Variants in DACH2 observed in about 807,000 individuals in gnomAD.
DACH2 encodes the protein dachshund homolog 2.
DACH2 carries 17 observed loss-of-function variants against 35.8 expected under a neutral mutation model. The ratio of observed to expected loss-of-function variants is 0.48; its 90% confidence interval spans 0.33 to 0.71. The LOEUF is 0.71. Among genes scored for constraint, DACH2 ranks in the 30% least tolerant of loss-of-function variants. The pLI, the probability that DACH2 is intolerant of heterozygous loss-of-function variation, is 0.02. For missense variants in DACH2, 469 were observed against 472.7 expected (o/e 0.99, Z 0.07); for synonymous variants, 195 against 177.3 (o/e 1.10, Z -0.79).
intron 1 of DACH2, among the ~76,000 whole-genome samples, chrX:86,171,668 C>T (rs1460144741): frequency 1.8e-5 from 2 of 111,366 alleles, no homozygotes; most frequent in African/African-American, 6.5e-5. Flanking sequence ...CTGTGTTCTC[C>T]CTCTCCCAGC....
chrX:86,286,203 C>T (rs2034145593), intron 1 of DACH2, among the ~76,000 whole-genome samples: 1 of 89,561 alleles, frequency 1.1e-5, no homozygotes, highest in African/African-American at 4.1e-5. Flanking sequence ...TCTCGGCTCA[C>T]TGCAAGCTCC....
At chrX:86,483,280 G>A (rs1200317143) in intron 2 of DACH2, among the ~76,000 whole-genome samples, 2 of 110,937 alleles carry the variant, frequency 1.8e-5, no homozygotes, top group East Asian at 2.8e-4. Context: ...TATACCTGAT[G>A]TTAATAAATA....
At chrX:86,299,669 A>G (rs1157092624) in intron 1 of DACH2, among the ~76,000 whole-genome samples, 1 of 111,727 alleles carries the variant, frequency 9.0e-6, no homozygotes, top group Non-Finnish European at 1.9e-5. Flanking sequence ...TCTCAGGTTT[A>G]TTTCATAACT....
At chrX:86,512,606 C>T (rs1239709559) in intron 2 of DACH2, among the ~76,000 whole-genome samples, 1 of 111,846 alleles carries the variant, frequency 8.9e-6, no homozygotes, top group Non-Finnish European at 1.9e-5. Flanking sequence ...CGGACAAATA[C>T]AAAGACTAAT....
intron 2 of DACH2, among the ~76,000 whole-genome samples, chrX:86,446,860 G>A (rs2037292347): frequency 1.1e-5 from 1 of 93,511 alleles, no homozygotes; most frequent in Non-Finnish European, 2.1e-5. Flanking sequence ...GATCCCTGAG[G>A]AATTGCCACA....
chrX:86,640,383 C>G (rs1324892469), intron 3 of DACH2, among the ~76,000 whole-genome samples: 1 of 111,675 alleles, frequency 9.0e-6, no homozygotes, highest in South Asian at 3.8e-4. Context: ...AGAGGCCAGT[C>G]AGTCTCCCCC....
At chrX:86,525,437 A>G (rs912462728) in intron 3 of DACH2, among the ~76,000 whole-genome samples, 5 of 111,532 alleles carry the variant, frequency 4.5e-5, no homozygotes, top group Non-Finnish European at 9.4e-5. Context: ...AAAATGGTTG[A>G]TGATTATTGT....
At chrX:86,362,604 C>T (rs1439825429) in intron 1 of DACH2, among the ~76,000 whole-genome samples, 1 of 111,188 alleles carries the variant, frequency 9.0e-6, no homozygotes, top group East Asian at 2.8e-4. Flanking sequence ...CAGCAGATTC[C>T]TAATTCCATG....
At chrX:86,746,781 T>A (rs2041716868) in intron 7 of DACH2, among the ~76,000 whole-genome samples, 1 of 111,262 alleles carries the variant, frequency 9.0e-6, no homozygotes, top group African/African-American at 3.3e-5. Context: ...TTCATAAAGA[T>A]CAATTTATCT....
chrX:86,637,206 CA>C (rs772970002), intron 3 of DACH2, among the ~76,000 whole-genome samples: 6 of 7,756 alleles, frequency 7.7e-4, no homozygotes, highest in African/African-American at 2.0e-3. Context: ...ACTGAAAAGC[CA>C]AAAAAAAAAA....
intron 1 of DACH2, among the ~76,000 whole-genome samples, chrX:86,164,689 G>T (rs1370831976): frequency 9.0e-6 from 1 of 111,234 alleles, no homozygotes; most frequent in Non-Finnish European, 1.9e-5. Flanking sequence ...ATTGAATAGG[G>T]AGTCTTTTGC....
intron 1 of DACH2, among the ~76,000 whole-genome samples, chrX:86,361,866 A>C (rs1214020688): frequency 9.0e-6 from 1 of 111,097 alleles, no homozygotes; most frequent in Non-Finnish European, 1.9e-5. Flanking sequence ...GCAGATGCAA[A>C]GTTATTTATC....
At chrX:86,649,446 G>A (rs1477225223) in intron 3 of DACH2, among the ~76,000 whole-genome samples, 2 of 110,880 alleles carry the variant, frequency 1.8e-5, no homozygotes, top group Non-Finnish European at 3.8e-5. Flanking sequence ...ATGTCCATTT[G>A]TTTAAATCAT....
chrX:86,670,235 A>G (rs2040749117), intron 4 of DACH2, among the ~76,000 whole-genome samples: 1 of 111,019 alleles, frequency 9.0e-6, no homozygotes, highest in African/African-American at 3.3e-5. Flanking sequence ...CACCTTTCAC[A>G]CAAGTTTCCG....
At chrX:86,569,455 G>T (rs755114357) in intron 3 of DACH2, among the ~76,000 whole-genome samples, 4 of 110,686 alleles carry the variant, frequency 3.6e-5, no homozygotes, top group South Asian at 3.8e-4. Flanking sequence ...AAAATATATC[G>T]TTTCTAAAAA....
chrX:86,289,515 C>A (rs2034226936), intron 1 of DACH2, among the ~76,000 whole-genome samples: 1 of 106,947 alleles, frequency 9.4e-6, no homozygotes, highest in African/African-American at 3.4e-5. Context: ...TGGTGCGCTG[C>A]ACCCACTAAC....
intron 2 of DACH2, among the ~76,000 whole-genome samples, chrX:86,454,772 T>C (rs755105845): frequency 1.8e-4 from 20 of 112,092 alleles, no homozygotes; most frequent in Non-Finnish European, 3.8e-4. Flanking sequence ...CCTACTTCTG[T>C]GTATTCAGTC....
At chrX:86,495,535 C>A (rs2038157282) in intron 2 of DACH2, among the ~76,000 whole-genome samples, 1 of 110,912 alleles carries the variant, frequency 9.0e-6, no homozygotes, top group Admixed American at 9.7e-5. Context: ...TGTGGCCTGG[C>A]ATGGTGGCTC....
At chrX:86,623,551 A>G (rs1238407075) in intron 3 of DACH2, among the ~76,000 whole-genome samples, 5 of 112,033 alleles carry the variant, frequency 4.5e-5, no homozygotes, top group South Asian at 3.7e-4. Context: ...TGTAACTCCC[A>G]TATTAAAAGT....
Sources: allele counts gnomAD v4.1 joint callset (sites outside exome capture counted in the v4.1 genomes callset), GRCh38; gene constraint gnomAD v4.1.1; transcripts MANE v1.5; gene names NCBI Gene and HGNC (gene_info 2026-07-23, HGNC 2026-07-21).